Variants in SEPTIN9 observed in about 807,000 individuals in gnomAD.
SEPTIN9 encodes septin-9.
Under a neutral mutation model 56.6 loss-of-function variants are expected in SEPTIN9, and 13 were observed. That is an observed-to-expected ratio of 0.23 (90% CI 0.15 to 0.37). The LOEUF (loss-of-function observed/expected upper bound fraction) is 0.37, where lower values mean the gene tolerates loss of function less well. SEPTIN9 is among the 10% of genes least tolerant of loss of function. SEPTIN9 has a pLI of 1.00. For synonymous variants in SEPTIN9, 332 were observed against 334.1 expected, an observed-to-expected ratio of 0.99 and a Z score of 0.07; for missense variants, 650 against 823.1, an observed-to-expected ratio of 0.79 and a Z score of 2.57.
In SEPTIN9 at chr17:77,445,749, G is replaced by C. The variant is rs1385885256; in HGVS notation, c.722-36395G>C. ...CCTGTGGCTTCCAGAGTGGGACCTT[G>C]CTGTGGGATAGGCTGGCCAATGGTG... On this transcript the variant is annotated intron_variant, in intron 3 of 11. Coordinates refer to ENST00000427177, the MANE Select transcript of SEPTIN9 (RefSeq NM_001113491.2). This position sits in a 1 kb window ranked among gnomAD's most constrained non-coding sequence, Gnocchi z 4.7. The C allele has an allele frequency of 3.6e-6, 1 of 280,982 alleles. No homozygotes were observed. The highest frequency in any genetic ancestry group is 3.5e-5 in the South Asian group (1 of 28,340). The allele number at this position is 280,982 out of a possible 1,614,324, so 17.4% of individuals were successfully genotyped here. A position where few individuals can be genotyped will look rare whatever the true frequency, so the allele number is the denominator to read the frequency against.
Position 77,499,525 on chromosome 17 carries a change from G to A in SEPTIN9, c.*867G>A, listed in dbSNP as rs886053494. 4.3e-5 allele frequency: 20 copies of A among 466,010 alleles called. No individual in the cohort carries two copies. The East Asian group carries it at 7.6e-4, about 18-fold the overall frequency. The allele number at this position is 466,010 out of a possible 1,614,324, so 28.9% of individuals were successfully genotyped here. On this transcript the variant is annotated 3_prime_UTR_variant, in exon 12 of 12. Transcript: ENST00000427177. ...AAGTGAGTCTGGTGGAGGAGCTGAG[G>A]GAGGGAGCCATGGAAGGTGCCAGAA...
chr17:77,335,050 C>G (rs1047386070), intron 2 of SEPTIN9, among the ~76,000 whole-genome samples: 30 of 151,494 alleles, frequency 2.0e-4, no homozygotes, highest in Admixed American at 3.3e-4. Flanking sequence ...CCTATGTTGA[C>G]TGTATATGTG....
rs1338312325 is a variant in SEPTIN9, at chr17:77,313,198, C to T, written c.76+6001C>T. ...CCTCTGCACCCCCAGACCTCCCTCG[C>T]TCTGCAGGGGCAGTCGGGGGCCCCC... On this transcript the variant is annotated intron_variant, in intron 2 of 11. Transcript: ENST00000427177. This position sits in a 1 kb window ranked among gnomAD's most constrained non-coding sequence, Gnocchi z 4.5. Among the ~76,000 whole-genome samples, 5 of 152,276 alleles carry T rather than the reference C, an allele frequency of 3.3e-5. No homozygotes were observed. Among genetic ancestry groups the T allele is most frequent in the Admixed American group, 6.5e-5 (1 of 15,292 alleles).
chr17:77,432,470 G>A (rs1324972938), intron 3 of SEPTIN9, among the ~76,000 whole-genome samples: 1 of 152,224 alleles, frequency 6.6e-6, no homozygotes, highest in African/African-American at 2.4e-5. Context: ...CTGAGAACGG[G>A]GGTAGAGAGA....
intron 1 of SEPTIN9, among the ~76,000 whole-genome samples, chr17:77,285,458 C>T (rs2143483411): frequency 6.6e-6 from 1 of 152,246 alleles, no homozygotes; most frequent in Middle Eastern, 3.4e-3. Flanking sequence ...AGTGCAGTGG[C>T]ACGATCTCGG....
intron 3 of SEPTIN9, among the ~76,000 whole-genome samples, chr17:77,477,762 A>T (rs936405452): frequency 3.3e-5 from 5 of 152,204 alleles, no homozygotes; most frequent in African/African-American, 1.2e-4. Flanking sequence ...TCTGACTCCC[A>T]GCTGCGGAGC....
intron 3 of SEPTIN9, among the ~76,000 whole-genome samples, chr17:77,481,408 C>T (rs75300826): frequency 0.015 from 2,223 of 152,090 alleles, 50 homozygotes; most frequent in African/African-American, 0.044. Flanking sequence ...CAGGGGCCCC[C>T]CTCCTCCATG....
chr17:77,303,027 G>A (rs1026659171), intron 1 of SEPTIN9, among the ~76,000 whole-genome samples: 3 of 152,012 alleles, frequency 2.0e-5, no homozygotes, highest in African/African-American at 7.2e-5. Flanking sequence ...TTGGAACGCC[G>A]GCCCATGGTG....
In SEPTIN9 at chr17:77,488,791, A is replaced by G. The variant is rs751867773; in HGVS notation, c.1189A>G (p.Ile397Val). The change falls in exon 7 of 12, where the codon ATC becomes GTC. Residue 397 changes from isoleucine (I) to valine (V), a missense_variant. Physicochemically the swap from Ile to Val is conservative, Grantham distance 29. Around this residue, in one of 2 missense-constraint regions of SEPTIN9, gnomAD observed 333 missense variants for 494.0 expected, o/e 0.67. Coordinates refer to ENST00000427177, the MANE Select transcript of SEPTIN9 (RefSeq NM_001113491.2). Reference protein sequence around the residue: ...YEKYLQEEVNINRKKRIPDTR... With the variant: ...YEKYLQEEVNVNRKKRIPDTR... The stretch of plus-strand genomic sequence containing the variant: ...GAAATACCTGCAGGAGGAGGTCAAC[A>G]TCAACCGCAAGAAGCGCATCCCGGA... 4.3e-6 allele frequency: 7 copies of G among 1,613,904 alleles called. No homozygotes were observed. The South Asian group carries it at 5.5e-5, about 13-fold the overall frequency.
At position 77,402,081 on chromosome 17, in the gene SEPTIN9, C is replaced by T. The variant is rs546188962; in HGVS notation, c.99C>T (p.Val33=). 121 of 1,613,356 alleles carry T rather than the reference C, an allele frequency of 7.5e-5. No individual in the cohort carries two copies. The East Asian group carries it at 1.8e-3, about 24-fold the overall frequency. The change falls in exon 3 of 12, where the codon GTC becomes GTT. Residue 33 remains valine (V), a synonymous_variant. Transcript: ENST00000427177. The surrounding 1 kb of genome is among the most constrained non-coding windows in gnomAD (Gnocchi z 6.6). ...CAGCCTTGAAAAGATCTTTTGAGGT[C>T]GAGGAGGTCGAGACACCCAACTCCA... ...SGPALKRSFE[V]EEVETPNSTP...
chr17:77,397,063 A>G (rs2035740946), intron 2 of SEPTIN9: 1 of 154,840 alleles, frequency 6.5e-6, no homozygotes, highest in Non-Finnish European at 1.5e-5. Flanking sequence ...CTGTGCAGCC[A>G]GGGGTTTCAT....
chr17:77,499,579 G>A lies in SEPTIN9; in HGVS notation c.*921G>A, dbSNP rs1242928763. On this transcript the variant is annotated 3_prime_UTR_variant, in exon 12 of 12. Transcript: ENST00000427177. ...AGGTTGGCGGGGGCACGTGTGGGCC[G>A]TGGCTTGGGCTGGTCAGAGTGGCGT... The A allele has an allele frequency of 8.9e-6, 4 of 448,826 alleles. No individual in the cohort carries two copies. The highest frequency in any genetic ancestry group is 4.0e-5 in the East Asian group (1 of 25,044). 27.8% of individuals were successfully genotyped at this position (448,826 alleles called of 1,614,324 possible). A position where few individuals can be genotyped will look rare whatever the true frequency, so the allele number is the denominator to read the frequency against.
chr17:77,350,840 C>A (rs1025069793), intron 2 of SEPTIN9, among the ~76,000 whole-genome samples: 1 of 152,186 alleles, frequency 6.6e-6, no homozygotes, highest in Non-Finnish European at 1.5e-5. Flanking sequence ...CCAGAATGCT[C>A]CAGACAGACC....
chr17:77,479,059 G>A (rs148331675), intron 3 of SEPTIN9, among the ~76,000 whole-genome samples: 1 of 152,160 alleles, frequency 6.6e-6, no homozygotes, highest in Non-Finnish European at 1.5e-5. Context: ...AGGACAGTTT[G>A]TTTTACAAGA....
intron 6 of SEPTIN9, 56 bp downstream of exon 6, chr17:77,488,377 C>T: frequency 2.0e-6 from 3 of 1,492,392 alleles, no homozygotes; most frequent in Non-Finnish European, 2.8e-6. Flanking sequence ...TCCCTGGACC[C>T]CACCCAGAGT....
At chr17:77,386,361 C>G (rs533545281) in intron 2 of SEPTIN9, among the ~76,000 whole-genome samples, 1 of 152,104 alleles carries the variant, frequency 6.6e-6, no homozygotes, top group African/African-American at 2.4e-5. Flanking sequence ...CCACGCTGTC[C>G]GGGAAGGGCG....
At chr17:77,479,453 C>T (rs907986647) in intron 3 of SEPTIN9, among the ~76,000 whole-genome samples, 9 of 152,230 alleles carry the variant, frequency 5.9e-5, no homozygotes, top group South Asian at 2.1e-4. Context: ...GCGGGCCAGC[C>T]GGGGCCTGCA....
intron 1 of SEPTIN9, among the ~76,000 whole-genome samples, chr17:77,290,004 C>T (rs986637979): frequency 6.6e-6 from 1 of 152,172 alleles, no homozygotes; most frequent in Non-Finnish European, 1.5e-5. Context: ...CTGTTCTTTT[C>T]ACTTGAAATT....
At position 77,449,738 on chromosome 17, in the gene SEPTIN9, C is replaced by T. The variant is rs114402754; in HGVS notation, c.722-32406C>T. ...AGGGTGCCCTGGGCTGGGCTGCAGA[C>T]AGTGGAAAAGACAGGCTCTTCTCAC... is the stretch of plus-strand genomic sequence containing the variant. On this transcript the variant is annotated intron_variant, in intron 3 of 11. Transcript: ENST00000427177. This position sits in a 1 kb window ranked among gnomAD's most constrained non-coding sequence, Gnocchi z 4.6. Among the ~76,000 whole-genome samples the T allele has an allele frequency of 6.3e-3, 952 of 152,242 alleles. 10 individuals are homozygous for T. The highest frequency in any genetic ancestry group is 0.022 in the African/African-American group (918 of 41,536).
Sources: allele counts gnomAD v4.1 joint callset (sites outside exome capture counted in the v4.1 genomes callset), GRCh38; gene constraint gnomAD v4.1.1; regional missense constraint gnomAD v4.1.1; non-coding constraint Gnocchi (gnomAD v3.1); transcripts MANE v1.5; gene names NCBI Gene and HGNC (gene_info 2026-07-23, HGNC 2026-07-21).